CNTN5: variants seen among roughly 807,000 people sequenced by gnomAD.
CNTN5 encodes the protein contactin 5.
In CNTN5, 77 loss-of-function variants were observed where a neutral mutation model predicts 129.1. The observed-to-expected ratio is 0.60, with a 90% confidence interval of 0.50 to 0.72. CNTN5 has a LOEUF of 0.72. CNTN5 is among the 30% of genes least tolerant of loss of function. CNTN5 has a pLI of 0.00. For missense variants in CNTN5, 1,478 were observed against 1,328.8 expected (o/e 1.11, Z -1.75); for synonymous variants, 509 against 465.6 (o/e 1.09, Z -1.20).
At position 99,846,106 on chromosome 11, in the gene CNTN5, T is replaced by C. The variant is rs1346104436; in HGVS notation, c.577+844T>C. Among the ~76,000 whole-genome samples the C allele has an allele frequency of 2.7e-5, 4 of 145,714 alleles. No homozygotes were observed. The East Asian group carries it at 5.9e-4, about 22-fold the overall frequency. On this transcript the variant is annotated intron_variant, in intron 6 of 24. Coordinates refer to ENST00000524871, the MANE Select transcript of CNTN5 (RefSeq NM_014361.4). ...CAGTTTTCGTATTGCAAAAAAGATATTGTATGTGGCTATACGGACATAGAC... is the reference window on the plus strand; with the variant it reads ...CAGTTTTCGTATTGCAAAAAAGATACTGTATGTGGCTATACGGACATAGAC...
chr11:99,914,765 T>C (rs942073659), intron 6 of CNTN5, among the ~76,000 whole-genome samples: 1 of 152,124 alleles, frequency 6.6e-6, no homozygotes, highest in Non-Finnish European at 1.5e-5. Context: ...TGGTGTCATG[T>C]CTTCACTACT....
chr11:99,930,995 A>G (rs1392752918), intron 7 of CNTN5, among the ~76,000 whole-genome samples: 1 of 152,160 alleles, frequency 6.6e-6, no homozygotes, highest in East Asian at 1.9e-4. Context: ...AAAAATGTAT[A>G]AATTATATAC....
intron 1 of CNTN5, among the ~76,000 whole-genome samples, chr11:99,184,576 A>G (rs76651506): frequency 4.1e-3 from 622 of 152,178 alleles, no homozygotes; most frequent in African/African-American, 0.014. Flanking sequence ...CTAGCTTATT[A>G]TCTAGCACTT....
intron 2 of CNTN5, among the ~76,000 whole-genome samples, chr11:99,498,873 T>G (rs1946326154): frequency 6.6e-6 from 1 of 152,136 alleles, no homozygotes; most frequent in African/African-American, 2.4e-5. Flanking sequence ...ATTTTTGTAA[T>G]TAGGGAAACT....
chr11:99,851,071 A>G (rs1947858098), intron 6 of CNTN5, among the ~76,000 whole-genome samples: 1 of 151,940 alleles, frequency 6.6e-6, no homozygotes, highest in Non-Finnish European at 1.5e-5. Context: ...GCTGCTCTGT[A>G]GTGGTTCATC....
chr11:99,876,079 T>G (rs1335647812), intron 6 of CNTN5, among the ~76,000 whole-genome samples: 1 of 152,100 alleles, frequency 6.6e-6, no homozygotes, highest in Non-Finnish European at 1.5e-5. Context: ...AGGCATCAAA[T>G]AAGCTTTCTC....
At chr11:99,876,058 C>T (rs1391324719) in intron 6 of CNTN5, among the ~76,000 whole-genome samples, 4 of 152,130 alleles carry the variant, frequency 2.6e-5, no homozygotes, top group Non-Finnish European at 5.9e-5. Context: ...TACATATCAT[C>T]TCCTGCTGAA....
chr11:99,434,026 T>C (rs1399660068), intron 2 of CNTN5, among the ~76,000 whole-genome samples: 4 of 152,150 alleles, frequency 2.6e-5, no homozygotes, highest in Non-Finnish European at 5.9e-5. Flanking sequence ...CTGTTTCTTA[T>C]ATATTCAGGG....
At chr11:99,394,302 G>A (rs1368758352) in intron 2 of CNTN5, among the ~76,000 whole-genome samples, 1 of 151,474 alleles carries the variant, frequency 6.6e-6, no homozygotes, top group Non-Finnish European at 1.5e-5. Context: ...TTTGGAGGGA[G>A]AAATATAAAA....
intron 2 of CNTN5, among the ~76,000 whole-genome samples, chr11:99,534,816 A>G (rs977649133): frequency 6.6e-6 from 1 of 152,096 alleles, no homozygotes; most frequent in Non-Finnish European, 1.5e-5. Context: ...ATATATTGGG[A>G]TGGTCAGGGA....
chr11:100,349,779 C>A (rs1007045422), intron 23 of CNTN5, among the ~76,000 whole-genome samples: 1 of 151,720 alleles, frequency 6.6e-6, no homozygotes, highest in Admixed American at 6.6e-5. Flanking sequence ...GACTATTATA[C>A]CAAAAATTTT....
intron 3 of CNTN5, among the ~76,000 whole-genome samples, chr11:99,630,624 G>T (rs1003899472): frequency 1.3e-5 from 2 of 151,860 alleles, no homozygotes; most frequent in African/African-American, 4.8e-5. Flanking sequence ...CACAATTCAG[G>T]TCTGCTTTTA....
chr11:99,637,350 A>C (rs151169241), intron 3 of CNTN5, among the ~76,000 whole-genome samples: 1 of 152,242 alleles, frequency 6.6e-6, no homozygotes, highest in African/African-American at 2.4e-5. Flanking sequence ...CAATGTCATG[A>C]TATCAAAGGA....
At chr11:100,122,295 A>G (rs1387075720) in intron 13 of CNTN5, among the ~76,000 whole-genome samples, 1 of 152,038 alleles carries the variant, frequency 6.6e-6, no homozygotes, top group Admixed American at 6.6e-5. Flanking sequence ...GAGGAGAAGA[A>G]TGTCTTCCAA....
intron 8 of CNTN5, among the ~76,000 whole-genome samples, chr11:99,965,363 T>C (rs1344974166): frequency 1.1e-4 from 16 of 152,194 alleles, no homozygotes; most frequent in Admixed American, 1.0e-3. Context: ...ATTTGTGTCT[T>C]TGTTCTCGTT....
intron 1 of CNTN5, among the ~76,000 whole-genome samples, chr11:99,259,235 C>CT (rs1362513653): frequency 6.6e-6 from 1 of 151,558 alleles, no homozygotes; most frequent in Non-Finnish European, 1.5e-5. Context: ...CATATTCTTG[C>CT]TTTTTTTGTA....
At chr11:99,217,686 A>G (rs1860197970) in intron 1 of CNTN5, among the ~76,000 whole-genome samples, 1 of 152,062 alleles carries the variant, frequency 6.6e-6, no homozygotes, top group Admixed American at 6.6e-5. Flanking sequence ...GACTTATTTC[A>G]GGAGAAAATA....
chr11:99,410,392 T>C (rs1942339515), intron 2 of CNTN5, among the ~76,000 whole-genome samples: 1 of 152,166 alleles, frequency 6.6e-6, no homozygotes, highest in South Asian at 2.1e-4. Context: ...GCACATACCT[T>C]TCCTTGTTTT....
intron 3 of CNTN5, among the ~76,000 whole-genome samples, chr11:99,727,096 G>C (rs1943367533): frequency 6.7e-6 from 1 of 149,890 alleles, no homozygotes; most frequent in South Asian, 2.1e-4. Flanking sequence ...CATGAGGTCA[G>C]GAGATCGAGA....
Sources: gnomAD v4.1 joint callset for allele counts (sites outside exome capture counted in the v4.1 genomes callset) on GRCh38, gnomAD v4.1.1 for gene constraint, MANE v1.5 for transcripts, NCBI Gene and HGNC (gene_info 2026-07-23, HGNC 2026-07-21) for gene names.